The following NF1 variants were observed in gnomAD, a reference collection of about 807,000 sequenced individuals.
NF1 encodes the protein neurofibromin 1.
A neutral mutation model predicts 325.7 loss-of-function variants in NF1; 122 were observed. The observed-to-expected ratio is 0.37, with a 90% CI of 0.32 to 0.44. NF1 has a LOEUF of 0.44. Among genes scored for constraint, NF1 ranks in the 20% least tolerant of loss-of-function variants. The probability of loss-of-function intolerance (pLI) is 1.00; values close to 1 mark genes in which losing one functional copy is unlikely to be tolerated. For missense variants in NF1, 2,140 were observed against 3,415.4 expected, an observed-to-expected ratio of 0.63 and a Z score of 9.31; for synonymous variants, 1,091 against 1,186.0, an observed-to-expected ratio of 0.92 and a Z score of 1.65.
At chr17:31,267,328 A>C (rs1331173095) in intron 36 of NF1, among the ~76,000 whole-genome samples, 3 of 152,218 alleles carry the variant, frequency 2.0e-5, no homozygotes, top group Non-Finnish European at 4.4e-5. Context: ...TACCTCTCCT[A>C]TAAAGTGTTT....
chr17:31,215,748 G>A (rs2066809146), intron 13 of NF1, among the ~76,000 whole-genome samples: 2 of 152,268 alleles, frequency 1.3e-5, no homozygotes, highest in East Asian at 3.9e-4. Context: ...ATCAAGCAAG[G>A]TTTCTTATCG....
chr17:31,330,192 T>A lies in NF1; in HGVS notation c.5610-104T>A. 1.1e-5 allele frequency: 11 copies of A among 965,062 alleles called. No individual in the cohort carries two copies. The South Asian group carries it at 1.5e-4, about 13-fold the overall frequency. 59.8% of individuals were successfully genotyped at this position (965,062 alleles called of 1,614,324 possible). A position where few individuals can be genotyped will look rare whatever the true frequency, so the allele number is the denominator to read the frequency against. The stretch of plus-strand genomic sequence containing the variant: ...ACTGATCATAAAATTTAAAAATAGT[T>A]GATCATACTTTGTAACAGAATCACA... On this transcript the variant is annotated intron_variant, in intron 38 of 57. Coordinates refer to ENST00000358273, the MANE Select transcript of NF1 (RefSeq NM_001042492.3).
intron 34 of NF1, 39 bp downstream of exon 34, chr17:31,260,554 G>A (rs757253150): frequency 4.7e-5 from 76 of 1,605,928 alleles, no homozygotes; most frequent in Admixed American, 1.5e-4. Flanking sequence ...AACACTCTCC[G>A]TTTAAATTTA....
At chr17:31,205,447 T>C (rs1356032590) in intron 11 of NF1, among the ~76,000 whole-genome samples, 2 of 152,026 alleles carry the variant, frequency 1.3e-5, no homozygotes, top group African/African-American at 4.8e-5. Context: ...TGATAGACTT[T>C]AAAGATATAG....
intron 7 of NF1, among the ~76,000 whole-genome samples, chr17:31,182,125 C>T (rs1413262191): frequency 6.6e-6 from 1 of 152,118 alleles, no homozygotes; most frequent in Non-Finnish European, 1.5e-5. Context: ...AATATTCTCA[C>T]CTATAATGTA....
chr17:31,292,076 G>A (rs1426910155), intron 36 of NF1, among the ~76,000 whole-genome samples: 1 of 152,168 alleles, frequency 6.6e-6, no homozygotes, highest in African/African-American at 2.4e-5. Context: ...TGTAAGTTCT[G>A]CCAGCCCATT....
rs200246336 is a variant in NF1 at position 31,155,970 on chromosome 17, C to A, written c.61-13C>A. The A allele has an allele frequency of 9.8e-6, 15 of 1,531,900 alleles. No homozygotes were observed. The highest frequency in any genetic ancestry group is 5.9e-5 in the Admixed American group (3 of 50,866). The allele number at this position is 1,531,900 out of a possible 1,614,324, so 94.9% of individuals were successfully genotyped here. On this transcript the variant is annotated splice_polypyrimidine_tract_variant and intron_variant, in intron 1 of 57. Transcript: ENST00000358273. Reference sequence around the variant, plus strand: ...TAAGCTGTTAACGTGTTTTTTTTTTCTTTTTTTTTCAGCTTCCAATAAAAA... The same window carrying A: ...TAAGCTGTTAACGTGTTTTTTTTTTATTTTTTTTTCAGCTTCCAATAAAAA...
intron 42 of NF1, 69 bp from the exon 43 acceptor site, chr17:31,337,299 G>C: frequency 7.7e-7 from 1 of 1,291,552 alleles, no homozygotes; most frequent in Non-Finnish European, 1.1e-6. Context: ...AATTCAAAAT[G>C]AAACATGGAA....
chr17:31,201,607 T>C (rs1387726534), intron 11 of NF1, 122 bp downstream of exon 11: 3 of 729,640 alleles, frequency 4.1e-6, no homozygotes, highest in Non-Finnish European at 7.2e-6. Flanking sequence ...ATGTATGAAA[T>C]AGGAAAATTT....
At chr17:31,235,881 G>C (rs1446090378) in intron 28 of NF1, 37 bp from the exon 29 acceptor site, 4 of 1,607,138 alleles carry the variant, frequency 2.5e-6, no homozygotes, top group Non-Finnish European at 3.4e-6. Flanking sequence ...AATATATGGA[G>C]CAGGTATAAT....
intron 1 of NF1, among the ~76,000 whole-genome samples, chr17:31,119,691 G>A (rs4795574): frequency 0.55 from 84,188 of 151,860 alleles, 26,386 homozygotes; most frequent in Middle Eastern, 0.76. Flanking sequence ...CCCCATGCCT[G>A]TGTCCTGAAT....
chr17:31,227,445 G>T (rs1333514705), intron 19 of NF1, 78 bp from the exon 20 acceptor site: 2 of 1,508,232 alleles, frequency 1.3e-6, no homozygotes, highest in African/African-American at 2.8e-5. Context: ...TATACATCAA[G>T]TTTGAAACTT....
At position 31,252,693 on chromosome 17, in the gene NF1, G is replaced by A. The variant is rs2067516694; in HGVS notation, c.4111-245G>A. The A allele has an allele frequency of 1.5e-5, 7 of 469,218 alleles. No individual in the cohort carries two copies. In the East Asian group the frequency reaches 2.3e-4, roughly 15 times the overall value. 29.1% of individuals were successfully genotyped at this position (469,218 alleles called of 1,614,324 possible). A position where few individuals can be genotyped will look rare whatever the true frequency, so the allele number is the denominator to read the frequency against. On this transcript the variant is annotated intron_variant, in intron 30 of 57. Transcript: ENST00000358273. Reference sequence around the variant, plus strand: ...GGAGAGAGTTTTTCTGTGATTCATAGCCAGAAATAGTAGACATGATTGGGT... The same window carrying A: ...GGAGAGAGTTTTTCTGTGATTCATAACCAGAAATAGTAGACATGATTGGGT...
intron 29 of NF1, among the ~76,000 whole-genome samples, chr17:31,238,355 A>C (rs1379343953): frequency 6.6e-6 from 1 of 152,128 alleles, no homozygotes; most frequent in South Asian, 2.1e-4. Flanking sequence ...CCTCAGGAGA[A>C]ATTACTTTAC....
intron 29 of NF1, among the ~76,000 whole-genome samples, chr17:31,241,652 CACTTTA>C (rs1294095899): frequency 5.9e-5 from 9 of 152,208 alleles, no homozygotes; most frequent in African/African-American, 1.9e-4. Flanking sequence ...AAAAACTCTA[CACTTTA>C]ACTTTATCCC....
intron 12 of NF1, among the ~76,000 whole-genome samples, chr17:31,209,846 AC>A (rs2066694563): frequency 6.6e-6 from 1 of 151,980 alleles, no homozygotes; most frequent in Non-Finnish European, 1.5e-5. Flanking sequence ...ACCATTTAGC[AC>A]CATTTTGGGC....
At chr17:31,243,193 T>TGTGTGTGTGTGTGTGTGTGTGGGTGG (rs957078715) in intron 29 of NF1, among the ~76,000 whole-genome samples, 5 of 151,418 alleles carry the variant, frequency 3.3e-5, no homozygotes, top group African/African-American at 1.2e-4. Flanking sequence ...TCTGTGTGTG[T>TGTGTGTGTGTGTGTGTGTGTGGGTGG]GTGTGTGTGT....
At chr17:31,341,714 CATGTGTGT>C (rs939329425) in intron 47 of NF1, among the ~76,000 whole-genome samples, 1 of 149,912 alleles carries the variant, frequency 6.7e-6, no homozygotes, top group African/African-American at 2.5e-5. Context: ...TGCACGTGTG[CATGTGTGT>C]GTGTATATAT....
intron 49 of NF1, 78 bp downstream of exon 49, chr17:31,349,329 G>A (rs1477369599): frequency 6.7e-7 from 1 of 1,496,892 alleles, no homozygotes; most frequent in Admixed American, 1.8e-5. Context: ...AATACCTATA[G>A]GTTTTTTGGC....
Sources: allele counts gnomAD v4.1 joint callset (sites outside exome capture counted in the v4.1 genomes callset), GRCh38; gene constraint gnomAD v4.1.1; transcripts MANE v1.5; gene names NCBI Gene and HGNC (gene_info 2026-07-23, HGNC 2026-07-21).